S100A8: variants seen among roughly 807,000 people sequenced by gnomAD.
S100A8 encodes S100 calcium binding protein A8.
Under a neutral mutation model 4.2 loss-of-function variants are expected in S100A8, and 1 was observed. The observed-to-expected ratio is 0.24, with a 90% CI of 0.08 to 1.12. S100A8 has a LOEUF of 1.12. S100A8 is among the 50% of genes most tolerant of loss of function. S100A8 has a pLI of 0.53. For missense variants in S100A8, 96 were observed against 111.8 expected (o/e 0.86, Z 0.64); for synonymous variants, 41 against 44.7 (o/e 0.92, Z 0.33).
At chr1:153,414,015 T>C in the S100A8 span, among the ~76,000 whole-genome samples, 7 of 152,382 alleles carry the variant, frequency 4.6e-5, no homozygotes, top group Non-Finnish European at 1.0e-4. Context: ...TTTCTTAGAA[T>C]TCTTTGTTGT....
In S100A8 at chr1:153,390,484, T is replaced by C. The variant is rs781081552; in HGVS notation, c.52A>G (p.Lys18Glu). Residue 18 changes from lysine (K) to glutamate (E), a missense_variant, in exon 2 of 3, where the codon AAG becomes GAG. Physicochemically the swap from Lys to Glu is moderately conservative, Grantham distance 56. Coordinates refer to ENST00000368733, the MANE Select transcript of S100A8 (RefSeq NM_002964.5). Reference protein sequence around the residue: ...ALNSIIDVYHKYSLIKGNFHA... With the variant: ...ALNSIIDVYHEYSLIKGNFHA... Reference sequence around the variant, plus strand: ...AAATTCCCCTTTATCAGGGAGTACTTGTGGTAGACGTCGATGATAGAGTTC... The same window carrying C: ...AAATTCCCCTTTATCAGGGAGTACTCGTGGTAGACGTCGATGATAGAGTTC... 1 of 1,614,140 alleles carries C rather than the reference T, an allele frequency of 6.2e-7. No homozygotes were observed.
At chr1:153,416,234 T>A in the S100A8 span, among the ~76,000 whole-genome samples, 1 of 152,204 alleles carries the variant, frequency 6.6e-6, no homozygotes, top group Non-Finnish European at 1.5e-5. Context: ...AGAGGCCCAG[T>A]GCTCTTTTCT....
chr1:153,402,549 G>A, the S100A8 span, among the ~76,000 whole-genome samples: 5 of 152,154 alleles, frequency 3.3e-5, no homozygotes, highest in African/African-American at 9.7e-5. Context: ...CAGGAGATGA[G>A]GTCTGAGGGG....
chr1:153,417,194 A>C, the S100A8 span: 2 of 152,296 alleles, frequency 1.3e-5, no homozygotes, highest in Non-Finnish European at 2.9e-5. Flanking sequence ...AAAGTGTAGA[A>C]ATGAGAGCTG....
At chr1:153,418,230 T>C in the S100A8 span, 3,733 of 1,613,210 alleles carry the variant, frequency 2.3e-3, 75 homozygotes, top group South Asian at 0.025. Flanking sequence ...CTGTGTGAGT[T>C]GGGGTCTAGC....
At chr1:153,417,951 C>G in the S100A8 span, 475 of 1,336,298 alleles carry the variant, frequency 3.6e-4, 2 homozygotes, top group African/African-American at 5.7e-3. Flanking sequence ...AATCAAGTTC[C>G]TTCTGCTCCA....
the S100A8 span, among the ~76,000 whole-genome samples, chr1:153,400,994 G>A: frequency 1.3e-4 from 20 of 152,202 alleles, no homozygotes; most frequent in Non-Finnish European, 2.4e-4. Flanking sequence ...GGGATGGGGG[G>A]CAGACTGCAC....
At chr1:153,419,082 C>T in the S100A8 span, 15 of 1,568,022 alleles carry the variant, frequency 9.6e-6, no homozygotes, top group African/African-American at 1.9e-4. Context: ...CCTCCTCTCC[C>T]CTCCCAGCCC....
the S100A8 span, chr1:153,419,150 A>T: frequency 6.2e-7 from 1 of 1,613,594 alleles, no homozygotes; most frequent in Non-Finnish European, 8.5e-7. Context: ...CACAGGACAA[A>T]AAGGGCATAC....
chr1:153,407,949 C>T, the S100A8 span, among the ~76,000 whole-genome samples: 100 of 152,264 alleles, frequency 6.6e-4, no homozygotes, highest in African/African-American at 2.2e-3. Context: ...AGGACATCCA[C>T]GCCAAAACTC....
At chr1:153,421,824 T>C in the S100A8 span, 1 of 152,240 alleles carries the variant, frequency 6.6e-6, no homozygotes, top group Non-Finnish European at 1.5e-5. Context: ...CACCTGATAA[T>C]ATTCCGTCCA....
the S100A8 span, among the ~76,000 whole-genome samples, chr1:153,418,586 A>C: frequency 6.6e-6 from 1 of 152,190 alleles, no homozygotes. Context: ...TTACTGGGAA[A>C]GCACTAGAAG....
chr1:153,419,713 T>C, the S100A8 span: 1 of 168,786 alleles, frequency 5.9e-6, no homozygotes, highest in South Asian at 1.9e-4. Context: ...GGAGCTGGCA[T>C]CTCTCAGTGT....
the S100A8 span, among the ~76,000 whole-genome samples, chr1:153,406,423 C>G: frequency 6.6e-6 from 1 of 152,062 alleles, no homozygotes; most frequent in African/African-American, 2.4e-5. Context: ...CGGGCTCTGT[C>G]CCACTCTACT....
chr1:153,411,797 T>G, the S100A8 span, among the ~76,000 whole-genome samples: 5 of 152,206 alleles, frequency 3.3e-5, no homozygotes, highest in South Asian at 4.2e-4. Flanking sequence ...TAGAGCAATG[T>G]AACAGAACAG....
At chr1:153,391,699 A>G (rs916910191), upstream of S100A8, among the ~76,000 whole-genome samples, 2 of 152,078 alleles carry the variant, frequency 1.3e-5, no homozygotes, top group African/African-American at 4.8e-5. Context: ...ACACTCCTCC[A>G]CAGCTTTCCT....
chr1:153,419,366 C>G, the S100A8 span: 2 of 1,516,156 alleles, frequency 1.3e-6, no homozygotes, highest in Non-Finnish European at 1.8e-6. Flanking sequence ...TCTCCTCCCA[C>G]CAGACACTTG....
the S100A8 span, among the ~76,000 whole-genome samples, chr1:153,408,298 G>A: frequency 6.6e-6 from 1 of 152,220 alleles, no homozygotes; most frequent in Non-Finnish European, 1.5e-5. Flanking sequence ...TGATGGAGCT[G>A]AAAACCATGG....
At chr1:153,415,985 C>G in the S100A8 span, among the ~76,000 whole-genome samples, 2 of 152,216 alleles carry the variant, frequency 1.3e-5, no homozygotes, top group African/African-American at 4.8e-5. Context: ...AACTTGGGAA[C>G]ATCTCAACTT....
Sources: allele counts gnomAD v4.1 joint callset (sites outside exome capture counted in the v4.1 genomes callset), GRCh38; gene constraint gnomAD v4.1.1; transcripts MANE v1.5; gene names NCBI Gene and HGNC (gene_info 2026-07-23, HGNC 2026-07-21).